The following BICC1 variants were observed in gnomAD, a reference collection of about 807,000 sequenced individuals.
The protein encoded by BICC1 is BicC family RNA binding protein 1, also known as protein bicaudal C homolog 1.
A neutral mutation model predicts 111.0 loss-of-function variants in BICC1; 43 were observed. That is an observed-to-expected ratio of 0.39 (90% CI 0.30 to 0.50). BICC1 has a LOEUF of 0.50. Ranked by LOEUF, BICC1 falls within the 20% of genes least tolerant of loss-of-function variation. The pLI, the probability that BICC1 is intolerant of heterozygous loss-of-function variation, is 0.88. For missense variants in BICC1, 1,091 were observed against 1,203.2 expected, an observed-to-expected ratio of 0.91 and a Z score of 1.38; for synonymous variants, 467 against 434.4, an observed-to-expected ratio of 1.07 and a Z score of -0.93.
chr10:58,562,999 C>T (rs1843652352), intron 1 of BICC1, among the ~76,000 whole-genome samples: 2 of 152,050 alleles, frequency 1.3e-5, no homozygotes, highest in Admixed American at 1.3e-4. Context: ...CTCCCTTGGT[C>T]TTGAGGGTAG....
At chr10:58,657,433 G>A (rs557329508) in intron 2 of BICC1, among the ~76,000 whole-genome samples, 20 of 152,262 alleles carry the variant, frequency 1.3e-4, no homozygotes, top group African/African-American at 4.6e-4. Flanking sequence ...TATCTCAGTA[G>A]GAGCTCAGTA....
intron 3 of BICC1, among the ~76,000 whole-genome samples, chr10:58,760,827 A>G (rs1842293719): frequency 6.6e-6 from 1 of 152,118 alleles, no homozygotes; most frequent in Non-Finnish European, 1.5e-5. Context: ...AAGGGACAGA[A>G]TTTATTTGTA....
chr10:58,561,284 T>C (rs930331420), intron 1 of BICC1, among the ~76,000 whole-genome samples: 12 of 152,062 alleles, frequency 7.9e-5, no homozygotes, highest in Admixed American at 3.3e-4. Context: ...ATTGATCTCT[T>C]TATCATTATA....
intron 1 of BICC1, among the ~76,000 whole-genome samples, chr10:58,526,692 C>G (rs902540611): frequency 6.6e-6 from 1 of 152,082 alleles, no homozygotes; most frequent in Non-Finnish European, 1.5e-5. Flanking sequence ...GGTTTTCTGT[C>G]CTTGCGATAG....
chr10:58,796,147 A>C (rs1296149667), intron 9 of BICC1, among the ~76,000 whole-genome samples, 193 bp from the exon 10 acceptor site: 3 of 152,176 alleles, frequency 2.0e-5, no homozygotes, highest in East Asian at 3.9e-4. Flanking sequence ...GTAACCAATA[A>C]TTTAGGGTTT....
intron 20 of BICC1, among the ~76,000 whole-genome samples, chr10:58,825,038 A>C (rs1031971756): frequency 2.6e-4 from 39 of 152,320 alleles, no homozygotes; most frequent in African/African-American, 9.4e-4. Flanking sequence ...TAATTTCTTT[A>C]CCATTCAAAT....
At chr10:58,528,190 G>A (rs1017825150) in intron 1 of BICC1, among the ~76,000 whole-genome samples, 1 of 151,832 alleles carries the variant, frequency 6.6e-6, no homozygotes, top group Admixed American at 6.6e-5. Flanking sequence ...GCAAAGTCAC[G>A]TGCTTGGCCT....
At chr10:58,826,811 T>A (rs909812365) in intron 20 of BICC1, among the ~76,000 whole-genome samples, 96 of 152,296 alleles carry the variant, frequency 6.3e-4, no homozygotes, top group African/African-American at 1.9e-3. Flanking sequence ...CAGGAAGGGA[T>A]AGGCTGACTG....
At chr10:58,583,025 A>G (rs1050945625) in intron 1 of BICC1, among the ~76,000 whole-genome samples, 6 of 152,130 alleles carry the variant, frequency 3.9e-5, no homozygotes, top group African/African-American at 1.4e-4. Context: ...CTTAAACTCC[A>G]CATATCCAAC....
At chr10:58,799,683 C>G (rs939537247) in intron 12 of BICC1, among the ~76,000 whole-genome samples, 1 of 152,006 alleles carries the variant, frequency 6.6e-6, no homozygotes, top group Non-Finnish European at 1.5e-5. Flanking sequence ...TCTGGATTCT[C>G]TATTCCGTTC....
At chr10:58,680,252 G>GAC (rs1464924272) in intron 2 of BICC1, among the ~76,000 whole-genome samples, 3 of 152,160 alleles carry the variant, frequency 2.0e-5, no homozygotes, top group Non-Finnish European at 4.4e-5. Context: ...GTTTGCAGAT[G>GAC]ACATGCCTGT....
At chr10:58,760,531 A>G (rs1842283197) in intron 3 of BICC1, among the ~76,000 whole-genome samples, 1 of 152,172 alleles carries the variant, frequency 6.6e-6, no homozygotes. Context: ...TTTGTAATCT[A>G]CTGTAAGCAG....
chr10:58,803,931 A>C (rs1405129030), intron 15 of BICC1, among the ~76,000 whole-genome samples: 3 of 152,218 alleles, frequency 2.0e-5, no homozygotes, highest in Non-Finnish European at 4.4e-5. Flanking sequence ...GATGCCTACA[A>C]GCATTTGATG....
chr10:58,693,630 C>A (rs1411088684), intron 2 of BICC1, among the ~76,000 whole-genome samples: 1 of 151,352 alleles, frequency 6.6e-6, no homozygotes, highest in African/African-American at 2.4e-5. Context: ...AGCATTTTTT[C>A]ATGTGTCTTT....
intron 2 of BICC1, among the ~76,000 whole-genome samples, chr10:58,701,454 C>T (rs751327536): frequency 1.3e-5 from 2 of 152,152 alleles, no homozygotes; most frequent in African/African-American, 2.4e-5. Flanking sequence ...GGTCTTGAGA[C>T]CTCCTAGACA....
intron 1 of BICC1, among the ~76,000 whole-genome samples, chr10:58,513,739 C>G (rs1446894144): frequency 6.6e-6 from 1 of 152,230 alleles, no homozygotes; most frequent in Non-Finnish European, 1.5e-5. Flanking sequence ...CTGTCTCTCT[C>G]CGTCTGTTTC....
At position 58,796,355 on chromosome 10, in the gene BICC1, A is replaced by C; in HGVS notation, c.1195A>C (p.Ser399Arg). 1 of 1,613,326 alleles carries C rather than the reference A, an allele frequency of 6.2e-7. No individual in the cohort carries two copies. The change falls in exon 10 of 21, where the codon AGT (serine) becomes CGT (arginine). Residue 399 changes from serine (S) to arginine (R), a missense_variant. Ser to Arg is a moderately radical substitution (Grantham distance 110, BLOSUM62 -1). Transcript: ENST00000373886. ...KQPSKSVIVK[S>R]VERNALNMYE... ...GTTTTCATAGTCTGTGATTGTGAAA[A>C]GTGTTGAGCGAAATGCCTTAAATAT...
chr10:58,572,295 A>T (rs1843980291), intron 1 of BICC1, among the ~76,000 whole-genome samples: 1 of 152,100 alleles, frequency 6.6e-6, no homozygotes, highest in Non-Finnish European at 1.5e-5. Context: ...CTCTGTTGAT[A>T]GTTTCTTTTG....
intron 1 of BICC1, among the ~76,000 whole-genome samples, chr10:58,560,698 CTGT>C (rs1843580252): frequency 6.6e-6 from 1 of 151,922 alleles, no homozygotes; most frequent in Non-Finnish European, 1.5e-5. Flanking sequence ...TTGCTGTAAA[CTGT>C]TTTCTTAGTT....
Sources: gnomAD v4.1 joint callset for allele counts (sites outside exome capture counted in the v4.1 genomes callset) on GRCh38, gnomAD v4.1.1 for gene constraint, MANE v1.5 for transcripts, NCBI Gene and HGNC (gene_info 2026-07-23, HGNC 2026-07-21) for gene names.